The following FAAH2 variants were observed in gnomAD, a reference collection of about 807,000 sequenced individuals.
FAAH2 encodes fatty-acid amide hydrolase 2.
Under a neutral mutation model 36.9 loss-of-function variants are expected in FAAH2, and 60 were observed. The observed-to-expected ratio is 1.63, with a 90% CI of 1.32 to 2.02. The LOEUF (loss-of-function observed/expected upper bound fraction) is 2.02, where lower values mean the gene tolerates loss of function less well. Among genes scored for constraint, FAAH2 ranks in the 30% most tolerant of loss-of-function variants. The pLI, the probability that FAAH2 is intolerant of heterozygous loss-of-function variation, is 0.00. For missense variants in FAAH2, 689 were observed against 397.5 expected (o/e 1.73, Z -6.23); for synonymous variants, 214 against 143.8 (o/e 1.49, Z -3.49).
At chrX:57,306,998 C>CATATATATATATAT (rs1338855632) in intron 2 of FAAH2, among the ~76,000 whole-genome samples, 1 of 34,944 alleles carries the variant, frequency 2.9e-5, no homozygotes, top group Non-Finnish European at 6.1e-5. Flanking sequence ...CACACAGATA[C>CATATATATATATAT]ATATATATAT....
At chrX:57,277,444 A>G in the FAAH2 span, among the ~76,000 whole-genome samples, 2 of 112,039 alleles carry the variant, frequency 1.8e-5, no homozygotes, top group Non-Finnish European at 3.8e-5. Context: ...GGATCTATTT[A>G]TGACAAACCC....
chrX:57,347,268 T>C (rs1308874203), intron 5 of FAAH2, among the ~76,000 whole-genome samples: 2 of 112,157 alleles, frequency 1.8e-5, no homozygotes, highest in Admixed American at 1.9e-4. Flanking sequence ...TTCTTATTTG[T>C]TTTTCTTTAT....
chrX:57,270,167 G>A, the FAAH2 span, among the ~76,000 whole-genome samples: 1,889 of 111,411 alleles, frequency 0.017, 88 homozygotes, highest in East Asian at 0.13. Context: ...ACTGAGCCAG[G>A]AAGAAATTGA....
At chrX:57,293,055 G>C (rs1170805754) in intron 2 of FAAH2, among the ~76,000 whole-genome samples, 1 of 111,019 alleles carries the variant, frequency 9.0e-6, no homozygotes, top group Non-Finnish European at 1.9e-5. Flanking sequence ...AGGTATTAGA[G>C]GGCCAAAAAC....
chrX:57,479,542 G>T (rs1224232770), intron 10 of FAAH2, among the ~76,000 whole-genome samples: 2 of 111,397 alleles, frequency 1.8e-5, no homozygotes, highest in Non-Finnish European at 3.8e-5. Flanking sequence ...TAGGAGTGGT[G>T]AGAGAGGGCA....
At chrX:57,437,874 TACATATATACATACGTATATGTATAC>T (rs1569344482) in intron 8 of FAAH2, among the ~76,000 whole-genome samples, 25 of 103,231 alleles carry the variant, frequency 2.4e-4, no homozygotes, top group South Asian at 1.6e-3. Context: ...TATATCTGTA[TACATATATACATACGTATATGTATAC>T]ACATATATAC....
At chrX:57,246,504 T>C in the FAAH2 span, among the ~76,000 whole-genome samples, 1 of 111,312 alleles carries the variant, frequency 9.0e-6, no homozygotes, top group Admixed American at 9.6e-5. Flanking sequence ...CAGCAGCACA[T>C]CAAAAAGCTT....
chrX:57,323,023 C>A (rs767516844), intron 3 of FAAH2, among the ~76,000 whole-genome samples: 6 of 110,405 alleles, frequency 5.4e-5, no homozygotes, highest in South Asian at 3.9e-4. Flanking sequence ...GTGATGTTCC[C>A]CTTCCTGTGT....
In FAAH2 at chrX:57,464,431, A is replaced by C. The variant is rs373373197; in HGVS notation, c.1423+15713A>C. ...CAGAACTTAAAGAAAAATAAAAATA[A>C]TTTTAAAAAGAAAGAAAACCTAGTA... On this transcript the variant is annotated intron_variant, in intron 10 of 10. Transcript: ENST00000374900. Among the ~76,000 whole-genome samples the C allele has an allele frequency of 4.7e-4, 51 of 108,515 alleles. No individual in the cohort carries two copies. In the South Asian group the frequency reaches 8.4e-3, roughly 18 times the overall value. 94.2% of individuals were successfully genotyped at this position (108,515 alleles called of 115,157 possible). A position where few individuals can be genotyped will look rare whatever the true frequency, so the allele number is the denominator to read the frequency against.
At chrX:57,264,106 C>T in the FAAH2 span, among the ~76,000 whole-genome samples, 2 of 111,648 alleles carry the variant, frequency 1.8e-5, no homozygotes, top group East Asian at 5.6e-4. Context: ...AAATGTAAAA[C>T]TATAATATTT....
chrX:57,467,544 G>A (rs1004807553), intron 10 of FAAH2, among the ~76,000 whole-genome samples: 1 of 111,743 alleles, frequency 8.9e-6, no homozygotes, highest in East Asian at 2.8e-4. Flanking sequence ...GTGACAGCGA[G>A]GCTGGAGGAG....
At chrX:57,148,400 A>T in the FAAH2 span, among the ~76,000 whole-genome samples, 2 of 111,538 alleles carry the variant, frequency 1.8e-5, no homozygotes, top group Non-Finnish European at 3.8e-5. Flanking sequence ...ATGAGCATGG[A>T]ATGTTCTTCC....
At chrX:57,134,555 C>T in the FAAH2 span, 5 of 111,838 alleles carry the variant, frequency 4.5e-5, no homozygotes, top group East Asian at 1.1e-3. Context: ...AGGCTCAGTC[C>T]TCTGATGCCC....
At chrX:57,401,193 G>A (rs992077690) in intron 7 of FAAH2, among the ~76,000 whole-genome samples, 4 of 111,660 alleles carry the variant, frequency 3.6e-5, no homozygotes, top group Non-Finnish European at 7.5e-5. Context: ...TTCTGAACGG[G>A]CAGCTAAAAG....
At chrX:57,393,676 C>A in intron 7 of FAAH2, 2 of 989,436 alleles carry the variant, frequency 2.0e-6, no homozygotes, top group Non-Finnish European at 2.9e-6. Flanking sequence ...TGGATGCCAC[C>A]ACCATTTTGC....
At chrX:57,284,206 T>C (rs766919432), upstream of FAAH2, among the ~76,000 whole-genome samples, 1 of 111,401 alleles carries the variant, frequency 9.0e-6, no homozygotes, top group African/African-American at 3.3e-5. Context: ...TCCTGCGGCG[T>C]GCCCGGGAAG....
At chrX:57,418,864 TC>T (rs1013024817) in intron 7 of FAAH2, among the ~76,000 whole-genome samples, 6 of 91,255 alleles carry the variant, frequency 6.6e-5, no homozygotes, top group East Asian at 3.5e-4. Flanking sequence ...ATGCTATCCT[TC>T]CCCCCTCCCC....
the FAAH2 span, among the ~76,000 whole-genome samples, chrX:57,254,101 CA>C: frequency 2.0e-4 from 19 of 97,358 alleles, no homozygotes; most frequent in South Asian, 4.5e-4. Flanking sequence ...ATCTACCAAG[CA>C]AAAAAAAAAG....
chrX:57,219,119 G>A, the FAAH2 span, among the ~76,000 whole-genome samples: 1 of 111,643 alleles, frequency 9.0e-6, no homozygotes, highest in South Asian at 3.8e-4. Context: ...GGCCATATGG[G>A]TAAAACATAG....
Sources: allele counts gnomAD v4.1 joint callset (sites outside exome capture counted in the v4.1 genomes callset), GRCh38; gene constraint gnomAD v4.1.1; transcripts MANE v1.5; gene names NCBI Gene and HGNC (gene_info 2026-07-23, HGNC 2026-07-21).